Variants in UST observed in about 807,000 individuals in gnomAD.
UST encodes chondroitin sulfate 2-O-sulfotransferase.
In UST, 21 loss-of-function variants were observed where a neutral mutation model predicts 45.6. The observed-to-expected ratio is 0.46, with a 90% CI of 0.33 to 0.66. The LOEUF (loss-of-function observed/expected upper bound fraction) is 0.66. Among genes scored for constraint, UST ranks in the 30% least tolerant of loss-of-function variants. The pLI is 0.02. For missense variants in UST, 463 were observed against 512.4 expected (o/e 0.90, Z 0.93); for synonymous variants, 215 against 200.6 (o/e 1.07, Z -0.61).
chr6:148,913,423 C>CTTTTTTTTT lies in UST; in HGVS notation c.291+26411_291+26419dup, dbSNP rs34110477. Among the ~76,000 whole-genome samples, 293 of 79,852 alleles carry CTTTTTTTTT rather than the reference C, an allele frequency of 3.7e-3. 19 individuals carry two copies. Among genetic ancestry groups the CTTTTTTTTT allele is most frequent in the Non-Finnish European group, 4.3e-3 (192 of 44,366 alleles). 52.4% of individuals were successfully genotyped at this position (79,852 alleles called of 152,430 possible). ...ACAGTCCGTATTTGGGACCAAAAAT[C>CTTTTTTTTT]TTTTTTTTTTTTTTTTTTTTTTTTT... On this transcript the variant is annotated intron_variant, in intron 2 of 7. Coordinates refer to ENST00000367463, the MANE Select transcript of UST (RefSeq NM_005715.3).
intron 5 of UST, among the ~76,000 whole-genome samples, chr6:148,983,418 G>T (rs1338750698): frequency 6.6e-6 from 1 of 152,060 alleles, no homozygotes; most frequent in African/African-American, 2.4e-5. Flanking sequence ...CGTCATCAAG[G>T]TCTTTTAACA....
chr6:148,956,862 T>C (rs1224163069), intron 4 of UST, among the ~76,000 whole-genome samples: 1 of 152,168 alleles, frequency 6.6e-6, no homozygotes, highest in Non-Finnish European at 1.5e-5. Flanking sequence ...TCCATTAAAG[T>C]GTAACAGATG....
chr6:148,767,727 A>C (rs1776348148), intron 1 of UST, among the ~76,000 whole-genome samples: 1 of 152,248 alleles, frequency 6.6e-6, no homozygotes, highest in Non-Finnish European at 1.5e-5. Context: ...AAATACTGGG[A>C]TACAGGAAAA....
intron 1 of UST, among the ~76,000 whole-genome samples, chr6:148,754,252 T>A (rs1325207571): frequency 1.3e-5 from 2 of 152,162 alleles, no homozygotes; most frequent in Non-Finnish European, 1.5e-5. Context: ...CGCCTCGGCC[T>A]CCCAAAGTGC....
intron 1 of UST, among the ~76,000 whole-genome samples, chr6:148,834,964 T>C (rs1472352094): frequency 6.6e-6 from 1 of 152,162 alleles, no homozygotes; most frequent in Non-Finnish European, 1.5e-5. Context: ...TTTAAGGCAA[T>C]ATGTTGCTAC....
At chr6:148,884,616 C>T (rs1367186734) in intron 1 of UST, among the ~76,000 whole-genome samples, 4 of 151,820 alleles carry the variant, frequency 2.6e-5, no homozygotes, top group Non-Finnish European at 5.9e-5. Flanking sequence ...CTGGGTGATG[C>T]AGGGCCTTAC....
At chr6:148,914,332 C>T (rs560300662) in intron 2 of UST, among the ~76,000 whole-genome samples, 11 of 146,890 alleles carry the variant, frequency 7.5e-5, no homozygotes, top group Non-Finnish European at 1.5e-4. Context: ...TGAAATATGG[C>T]AGTGGTCCCC....
At chr6:149,048,977 C>T (rs532889070) in intron 7 of UST, among the ~76,000 whole-genome samples, 210 of 152,248 alleles carry the variant, frequency 1.4e-3, no homozygotes, top group Non-Finnish European at 2.7e-3. Flanking sequence ...ATCTTAAAAG[C>T]CTTCAAAATG....
intron 2 of UST, among the ~76,000 whole-genome samples, chr6:148,898,007 A>T (rs1467132772): frequency 7.1e-6 from 1 of 141,802 alleles, no homozygotes; most frequent in East Asian, 2.0e-4. Context: ...AAAGTCCTTT[A>T]AAAAAAAAAA....
chr6:148,893,869 G>A (rs1779068453), intron 2 of UST, among the ~76,000 whole-genome samples: 1 of 152,144 alleles, frequency 6.6e-6, no homozygotes, highest in Non-Finnish European at 1.5e-5. Context: ...AACCTGGGAT[G>A]CGGACAGGCA....
intron 1 of UST, among the ~76,000 whole-genome samples, chr6:148,797,796 A>G (rs1209333973): frequency 1.3e-5 from 2 of 152,186 alleles, no homozygotes; most frequent in African/African-American, 4.8e-5. Flanking sequence ...ATATGTGAGA[A>G]GGCCAGTGTG....
chr6:148,748,722 C>T lies in UST; in HGVS notation c.247+1045C>T, dbSNP rs367564560. On this transcript the variant is annotated intron_variant, in intron 1 of 7. Transcript: ENST00000367463. The surrounding 1 kb of genome is among the most constrained non-coding windows in gnomAD (Gnocchi z 5.3). ...GTGAAGGCTGGGAGAGCTCCAGCTT[C>T]TTGCAAGCATCCGAAGTGATAAGCC... Among the ~76,000 whole-genome samples, 2 of 152,052 alleles carry T rather than the reference C, an allele frequency of 1.3e-5. No individual in the cohort carries two copies. Among genetic ancestry groups the T allele is most frequent in the South Asian group, 4.1e-4 (2 of 4,826 alleles).
intron 3 of UST, among the ~76,000 whole-genome samples, chr6:148,944,224 A>G (rs1780186790): frequency 6.6e-6 from 1 of 152,180 alleles, no homozygotes; most frequent in African/African-American, 2.4e-5. Flanking sequence ...ATTTGTTCCC[A>G]TAGAATCATT....
chr6:148,858,035 A>G (rs1452849569), intron 1 of UST, among the ~76,000 whole-genome samples: 1 of 152,242 alleles, frequency 6.6e-6, no homozygotes, highest in Non-Finnish European at 1.5e-5. Flanking sequence ...TAATGCAAAC[A>G]TACACAATGC....
intron 7 of UST, among the ~76,000 whole-genome samples, chr6:149,041,454 A>G (rs1452696116): frequency 6.6e-6 from 1 of 152,208 alleles, no homozygotes; most frequent in African/African-American, 2.4e-5. Context: ...GCCAAGGAAG[A>G]GACCTGGAGC....
intron 1 of UST, among the ~76,000 whole-genome samples, chr6:148,857,123 A>G (rs909353845): frequency 3.9e-5 from 6 of 152,062 alleles, no homozygotes; most frequent in Non-Finnish European, 5.9e-5. Flanking sequence ...GAGGAAGTCA[A>G]TTAACAACAT....
chr6:149,001,946 GA>G (rs1386107452), intron 5 of UST, among the ~76,000 whole-genome samples: 1 of 152,048 alleles, frequency 6.6e-6, no homozygotes, highest in East Asian at 1.9e-4. Flanking sequence ...TGCTTTATTA[GA>G]AAAAATTTAA....
intron 2 of UST, among the ~76,000 whole-genome samples, chr6:148,917,795 C>T (rs542050837): frequency 3.5e-4 from 53 of 152,266 alleles, no homozygotes; most frequent in African/African-American, 1.2e-3. Context: ...GAAGGAGCGG[C>T]AGAAAGGAGG....
intron 2 of UST, among the ~76,000 whole-genome samples, chr6:148,924,990 T>C (rs757618797): frequency 1.3e-5 from 2 of 152,210 alleles, no homozygotes; most frequent in Non-Finnish European, 2.9e-5. Context: ...CTAATATTCA[T>C]GTTTATGTTG....
Sources: gnomAD v4.1 joint callset for allele counts (sites outside exome capture counted in the v4.1 genomes callset) on GRCh38, gnomAD v4.1.1 for gene constraint, Gnocchi (gnomAD v3.1) non-coding constraint, MANE v1.5 for transcripts, NCBI Gene and HGNC (gene_info 2026-07-23, HGNC 2026-07-21) for gene names.